TNRC18: variants seen among roughly 807,000 people sequenced by gnomAD.
The protein encoded by TNRC18 is trinucleotide repeat containing 18.
TNRC18 carries 69 observed loss-of-function variants against 226.7 expected under a neutral mutation model. That is an observed-to-expected ratio of 0.30 (90% CI 0.25 to 0.37). The LOEUF is 0.37. TNRC18 is among the 10% of genes least tolerant of loss of function. The probability of loss-of-function intolerance (pLI) is 1.00; values close to 1 mark genes in which losing one functional copy is unlikely to be tolerated. For missense variants in TNRC18, 4,754 were observed against 4,256.6 expected, an observed-to-expected ratio of 1.12 and a Z score of -3.25; for synonymous variants, 2,449 against 1,927.6, an observed-to-expected ratio of 1.27 and a Z score of -7.09.
At position 5,359,502 on chromosome 7, in the gene TNRC18, T is replaced by C. The variant is rs774409293; in HGVS notation, c.4729A>G (p.Lys1577Glu). 2 of 1,613,890 alleles carry C rather than the reference T, an allele frequency of 1.2e-6. No individual in the cohort carries two copies. The highest frequency in any genetic ancestry group is 2.7e-5 in the African/African-American group (2 of 74,936). ...ELGAGIRKRH[K>E]GSEEEHDALI... ...GCATCATGTTCCTCCTCAGACCCCT[T>C]GTGTCTCTTTCTTATCCCTGCTCCC... The change falls in exon 15 of 30, where the codon AAG becomes GAG. Residue 1577 changes from lysine to glutamate, a missense_variant. Transcript: ENST00000430969.
chr7:5,330,876 T>C (rs899286046), intron 19 of TNRC18, among the ~76,000 whole-genome samples: 2 of 152,132 alleles, frequency 1.3e-5, no homozygotes, highest in Admixed American at 6.6e-5. Flanking sequence ...GATTTCGTCA[T>C]GTTGGCCAGG....
chr7:5,313,578 T>C lies in TNRC18; in HGVS notation c.7313A>G (p.Lys2438Arg), dbSNP rs764782439. 5.0e-6 allele frequency: 8 copies of C among 1,605,374 alleles called. No individual in the cohort carries two copies. The highest frequency in any genetic ancestry group is 1.3e-5 in the African/African-American group (1 of 74,874). Residue 2438 changes from lysine to arginine, a missense_variant, in exon 27 of 30, where the codon AAG (lysine) becomes AGG (arginine). Lys to Arg is a conservative substitution (Grantham distance 26). Transcript: ENST00000430969. Reference sequence around the variant, plus strand: ...CGACTCCTCGGCTGCCCGCGCCTTCTTGGGCTTGGGGCGTGTGGCAGGCAT... The same window carrying C: ...CGACTCCTCGGCTGCCCGCGCCTTCCTGGGCTTGGGGCGTGTGGCAGGCAT... Reference protein sequence around the residue: ...ITMPATRPKPKKARAAEESGA... With the variant: ...ITMPATRPKPRKARAAEESGA...
At chr7:5,352,572 C>T (rs543993507) in intron 16 of TNRC18, among the ~76,000 whole-genome samples, 15 of 152,382 alleles carry the variant, frequency 9.8e-5, no homozygotes, top group African/African-American at 3.4e-4. Context: ...CTCCCAGTGG[C>T]AGCACGAAAC....
intron 16 of TNRC18, among the ~76,000 whole-genome samples, chr7:5,352,735 T>C (rs1201192095): frequency 6.6e-6 from 1 of 151,698 alleles, no homozygotes; most frequent in African/African-American, 2.4e-5. Flanking sequence ...AGGACAAGAG[T>C]CTTCAAATCT....
At chr7:5,308,416 G>A in intron 29 of TNRC18, 104 bp from the exon 30 acceptor site, 2 of 1,052,354 alleles carry the variant, frequency 1.9e-6, no homozygotes, top group South Asian at 1.5e-5. Flanking sequence ...GAGCCCCAGG[G>A]ACTGAGACAG....
chr7:5,353,010 T>G (rs910906387), intron 16 of TNRC18, among the ~76,000 whole-genome samples: 3 of 151,996 alleles, frequency 2.0e-5, no homozygotes, highest in Non-Finnish European at 1.5e-5. Flanking sequence ...TGGCGGGCAT[T>G]CCTCTGACTG....
chr7:5,388,985 A>G lies in TNRC18; in HGVS notation c.839T>C (p.Val280Ala). Reference sequence around the variant, plus strand: ...GGCGCCGCCGTTGCACATGGTCAGTACCGACGGCTGCAGCGCCGCATTCTT... The same window carrying G: ...GGCGCCGCCGTTGCACATGGTCAGTGCCGACGGCTGCAGCGCCGCATTCTT... ...KTKNAALQPS[V>A]LTMCNGGAGD... The change falls in exon 5 of 30, where the codon GTA (valine) becomes GCA (alanine). Residue 280 changes from valine (V) to alanine (A), a missense_variant. By Grantham distance (64) the Val-to-Ala change is moderately conservative. Transcript: ENST00000430969. The G allele has an allele frequency of 1.5e-6, 2 of 1,374,470 alleles. No homozygotes were observed. Among genetic ancestry groups the G allele is most frequent in the South Asian group, 1.4e-5 (1 of 69,626 alleles). The allele number at this position is 1,374,470 out of a possible 1,614,324, so 85.1% of individuals were successfully genotyped here.
Position 5,389,452 on chromosome 7 carries a change from T to G in TNRC18, c.488-116A>C, listed in dbSNP as rs576609095. 980 of 1,125,426 alleles carry G rather than the reference T, an allele frequency of 8.7e-4. 4 individuals are homozygous for G. Among genetic ancestry groups the G allele is most frequent in the Non-Finnish European group, 1.0e-3 (941 of 918,326 alleles). 69.7% of individuals were successfully genotyped at this position (1,125,426 alleles called of 1,614,324 possible). On this transcript the variant is annotated intron_variant, in intron 4 of 29. Coordinates refer to ENST00000430969, the MANE Select transcript of TNRC18 (RefSeq NM_001080495.3). ...ACCAACCCATGCCTCCCCCAGTGTT[T>G]TGGTTTTGGTTTTTTTTTTCAGAAA... is the stretch of plus-strand genomic sequence containing the variant.
rs569903224 is a variant in TNRC18 at position 5,371,166 on chromosome 7, G to A, written c.3428C>T (p.Pro1143Leu). 5.0e-6 allele frequency: 8 copies of A among 1,607,500 alleles called. No homozygotes were observed. Among genetic ancestry groups the A allele is most frequent in the African/African-American group, 1.3e-5 (1 of 74,930 alleles). ...TTCTTCCTCCGGGCCCTCCCGCAGC[G>A]GCTCTGTGATCTTGGAGGGGGACAA... ...IRLSPSKITEPLREGPEEEPL... is the reference protein window; with the variant it reads ...IRLSPSKITELLREGPEEEPL... Residue 1143 changes from proline (P) to leucine (L), a missense_variant, in exon 11 of 30, where the codon CCG (proline) becomes CTG (leucine). By Grantham distance (98) the Pro-to-Leu change is moderately conservative (BLOSUM62 -3). Transcript: ENST00000430969.
At chr7:5,356,365 G>A (rs1171962219) in intron 16 of TNRC18, among the ~76,000 whole-genome samples, 1 of 152,050 alleles carries the variant, frequency 6.6e-6, no homozygotes, top group Non-Finnish European at 1.5e-5. Flanking sequence ...AGCTGCCACA[G>A]ACACAGTAAC....
Position 5,332,989 on chromosome 7 carries a change from G to T in TNRC18, c.5780C>A (p.Ala1927Glu). ...SEVKVRKRSP[A>E]GLLRPKKGLG... The stretch of plus-strand genomic sequence containing the variant: ...CCCCTTCTTGGGCCGCAGCAGCCCC[G>T]CAGGCGACCGCTTGCGCACCTTGAC... Residue 1927 changes from alanine to glutamate, a missense_variant, in exon 19 of 30, where the codon GCG becomes GAG. Physicochemically the swap from Ala to Glu is moderately radical, Grantham distance 107 (BLOSUM62 -1). Transcript: ENST00000430969. The T allele has an allele frequency of 6.4e-7, 1 of 1,572,086 alleles. No homozygotes were observed. Among genetic ancestry groups the T allele is most frequent in the African/African-American group, 1.3e-5 (1 of 74,482 alleles).
rs766020115 is a variant in TNRC18 at position 5,387,868 on chromosome 7, C to T, written c.1956G>A (p.Lys652=). The T allele has an allele frequency of 6.3e-7, 1 of 1,596,926 alleles. No individual in the cohort carries two copies. The highest frequency in any genetic ancestry group is 8.5e-7 in the Non-Finnish European group (1 of 1,174,418). Residue 652 remains lysine, a synonymous_variant, in exon 5 of 30, where the codon AAG becomes AAA. Coordinates refer to ENST00000430969, the MANE Select transcript of TNRC18 (RefSeq NM_001080495.3). ...GPAAGGGRQL[K]RDPERPESAK... ...CGCTCTCGGGCCTCTCGGGGTCCCG[C>T]TTCAGCTGCCGGCCGCCGCCCGCTG...
At chr7:5,323,210 C>T (rs2128116510) in intron 21 of TNRC18, among the ~76,000 whole-genome samples, 1 of 152,254 alleles carries the variant, frequency 6.6e-6, no homozygotes, top group African/African-American at 2.4e-5. Flanking sequence ...CTCCCCCATC[C>T]ATACCCACGA....
intron 3 of TNRC18, among the ~76,000 whole-genome samples, chr7:5,391,589 G>T (rs975039612): frequency 6.6e-6 from 1 of 151,906 alleles, no homozygotes; most frequent in African/African-American, 2.4e-5. Flanking sequence ...GGGATTACAG[G>T]TGTGAGCCAC....
chr7:5,355,659 G>C (rs921378728), intron 16 of TNRC18, among the ~76,000 whole-genome samples: 1 of 152,176 alleles, frequency 6.6e-6, no homozygotes, highest in African/African-American at 2.4e-5. Context: ...GTTCAGAGGG[G>C]AGGATTGCTT....
chr7:5,321,356 G>A lies in TNRC18; in HGVS notation c.6443-166C>T, dbSNP rs4377867. ...TCTTCGTCTGCCTGTGTGTGTACCC[G>A]TGCAGACCTGTGTGTACCAGTGAGC... On this transcript the variant is annotated intron_variant, in intron 21 of 29. Coordinates refer to ENST00000430969, the MANE Select transcript of TNRC18 (RefSeq NM_001080495.3). 8.4e-3 allele frequency among the ~76,000 whole-genome samples: 1,274 copies of A among 152,272 alleles called. 9 individuals carry two copies. Among genetic ancestry groups the A allele is most frequent in the Non-Finnish European group, 0.013 (861 of 68,008 alleles).
intron 24 of TNRC18, among the ~76,000 whole-genome samples, chr7:5,316,921 C>T (rs1223771605): frequency 6.6e-6 from 1 of 152,124 alleles, no homozygotes; most frequent in East Asian, 1.9e-4. Flanking sequence ...CAACACTGAA[C>T]AGGCTGAGGG....
At chr7:5,330,353 CAG>C (rs1216548569) in intron 19 of TNRC18, among the ~76,000 whole-genome samples, 1 of 152,000 alleles carries the variant, frequency 6.6e-6, no homozygotes, top group East Asian at 1.9e-4. Context: ...CCCCAGCTTC[CAG>C]AGTAGGTGGG....
At chr7:5,408,479 C>A (rs1781628559) in intron 2 of TNRC18, among the ~76,000 whole-genome samples, 1 of 151,812 alleles carries the variant, frequency 6.6e-6, no homozygotes, top group African/African-American at 2.4e-5. Flanking sequence ...GAAACCCTGT[C>A]TCTACTAAAA....
Sources: allele counts gnomAD v4.1 joint callset (sites outside exome capture counted in the v4.1 genomes callset), GRCh38; gene constraint gnomAD v4.1.1; transcripts MANE v1.5; gene names NCBI Gene and HGNC (gene_info 2026-07-23, HGNC 2026-07-21).